RNF216: variants seen among roughly 807,000 people sequenced by gnomAD.
RNF216 encodes E3 ubiquitin-protein ligase RNF216.
RNF216 carries 72 observed loss-of-function variants against 110.8 expected under a neutral mutation model. That is an observed-to-expected ratio of 0.65 (90% CI 0.54 to 0.79). The LOEUF is 0.79. Among genes scored for constraint, RNF216 ranks in the 30% least tolerant of loss-of-function variants. The pLI, the probability that RNF216 is intolerant of heterozygous loss-of-function variation, is 0.00. For synonymous variants in RNF216, 495 were observed against 407.5 expected (o/e 1.21, Z -2.59); for missense variants, 1,342 against 1,141.2 (o/e 1.18, Z -2.54).
chr7:5,694,642 T>C (rs759397328), intron 13 of RNF216, among the ~76,000 whole-genome samples: 3 of 152,220 alleles, frequency 2.0e-5, no homozygotes, highest in Non-Finnish European at 4.4e-5. Flanking sequence ...TGAGGCCCAC[T>C]TGTGGCGCAA....
intron 15 of RNF216, among the ~76,000 whole-genome samples, chr7:5,625,547 T>C (rs978359564): frequency 6.6e-6 from 1 of 152,162 alleles, no homozygotes; most frequent in Non-Finnish European, 1.5e-5. Context: ...CAACGGACAG[T>C]TTGCAGGTTT....
intron 1 of RNF216, among the ~76,000 whole-genome samples, chr7:5,762,062 A>G (rs1399189761): frequency 6.6e-6 from 1 of 152,204 alleles, no homozygotes; most frequent in Admixed American, 6.5e-5. Context: ...TATAGCAAAT[A>G]TGTAATAAAA....
At chr7:5,750,504 AT>A (rs1262994370) in intron 3 of RNF216, among the ~76,000 whole-genome samples, 1 of 152,252 alleles carries the variant, frequency 6.6e-6, no homozygotes, top group Admixed American at 6.5e-5. Context: ...TATGCCTGTT[AT>A]TTAGATTGCA....
intron 15 of RNF216, among the ~76,000 whole-genome samples, chr7:5,631,534 T>C (rs1212638242): frequency 6.6e-6 from 1 of 152,198 alleles, no homozygotes; most frequent in Non-Finnish European, 1.5e-5. Flanking sequence ...AAGCGAATGC[T>C]TCAAGATTTC....
chr7:5,668,836 G>A (rs539273502), intron 13 of RNF216, among the ~76,000 whole-genome samples: 75 of 152,166 alleles, frequency 4.9e-4, no homozygotes, highest in Admixed American at 9.2e-4. Context: ...TTCTAGTCAC[G>A]GTGTATCTTC....
intron 13 of RNF216, among the ~76,000 whole-genome samples, chr7:5,684,841 T>C (rs10232762): frequency 0.16 from 23,038 of 145,572 alleles, 2,841 homozygotes; most frequent in African/African-American, 0.35. Flanking sequence ...TTTAAGGTGA[T>C]GAAAAGAGAG....
intron 4 of RNF216, among the ~76,000 whole-genome samples, chr7:5,740,104 CTTTTTTTTTTTTTTTTTTTTTTTTTTT>C (rs71004698): frequency 6.8e-5 from 8 of 118,492 alleles, no homozygotes; most frequent in Non-Finnish European, 1.2e-4. Flanking sequence ...GATGTAACAC[CTTTTTTTTTTTTTTTTTTTTTTTTTTT>C]TTTTTTTTTT....
chr7:5,679,775 T>C (rs2128604197), intron 13 of RNF216, among the ~76,000 whole-genome samples: 2 of 152,254 alleles, frequency 1.3e-5, no homozygotes, highest in Middle Eastern at 6.8e-3. Context: ...AGTGCCTGCA[T>C]TTCTAACAAC....
At position 5,711,787 on chromosome 7, in the gene RNF216, T is replaced by C. The variant is rs763906664; in HGVS notation, c.2035A>G (p.Ser679Gly). ...ALLDSDVKRF[S>G]CPNPHCRKET... ...TTTCGGCAGTGAGGATTAGGACAGC[T>C]GAACCTCTTCACATCACTGTCCAAC... Residue 679 changes from serine (S) to glycine (G), a missense_variant, in exon 13 of 17, where the codon AGC becomes GGC. Coordinates refer to ENST00000389902, the MANE Select transcript of RNF216 (RefSeq NM_207111.4). 1.2e-6 allele frequency: 2 copies of C among 1,613,826 alleles called. No homozygotes were observed. The highest frequency in any genetic ancestry group is 1.1e-5 in the South Asian group (1 of 90,994).
chr7:5,736,702 C>T (rs1326293770), intron 5 of RNF216, among the ~76,000 whole-genome samples: 1 of 151,446 alleles, frequency 6.6e-6, no homozygotes, highest in Non-Finnish European at 1.5e-5. Flanking sequence ...CACCCATCAT[C>T]TGAGACGTGG....
In RNF216 at chr7:5,777,560, A is replaced by T. The variant is rs565007947; in HGVS notation, c.-70+3981T>A. The T allele has an allele frequency of 3.9e-5, 6 of 152,398 alleles. 1 individual carries two copies. In the South Asian group the frequency reaches 1.2e-3, roughly 32 times the overall value. The allele number at this position is 152,398 out of a possible 1,614,324, so 9.4% of individuals were successfully genotyped here. A position where few individuals can be genotyped will look rare whatever the true frequency, so the allele number is the denominator to read the frequency against. On this transcript the variant is annotated intron_variant, in intron 1 of 16. Coordinates refer to ENST00000389902, the MANE Select transcript of RNF216 (RefSeq NM_207111.4). ...ATGGGATCTGTGTATGTCACTGGCCATCAGGGCAAGAAGAAAGGAATCAAA... is the reference window on the plus strand; with the variant it reads ...ATGGGATCTGTGTATGTCACTGGCCTTCAGGGCAAGAAGAAAGGAATCAAA...
At chr7:5,647,328 CTTTTTTTTTTTT>C (rs10617479) in intron 14 of RNF216, among the ~76,000 whole-genome samples, 19 of 94,814 alleles carry the variant, frequency 2.0e-4, no homozygotes, top group Non-Finnish European at 3.4e-4. Context: ...TTCTTTCTTT[CTTTTTTTTTTTT>C]TTTTTTTTTT....
intron 9 of RNF216, among the ~76,000 whole-genome samples, chr7:5,719,146 T>G (rs1386869870): frequency 1.3e-5 from 2 of 152,158 alleles, no homozygotes; most frequent in African/African-American, 4.8e-5. Flanking sequence ...TTTGGGCGGC[T>G]GAGTTGGGAG....
At chr7:5,778,830 G>A (rs1457910524) in intron 1 of RNF216, among the ~76,000 whole-genome samples, 2 of 152,284 alleles carry the variant, frequency 1.3e-5, no homozygotes, top group South Asian at 4.1e-4. Flanking sequence ...TGCAACCTCC[G>A]CCTCCCGAGT....
At chr7:5,638,234 GAT>G (rs1300381314) in intron 15 of RNF216, among the ~76,000 whole-genome samples, 3 of 152,114 alleles carry the variant, frequency 2.0e-5, no homozygotes, top group African/African-American at 7.2e-5. Context: ...TTAAAGTGTA[GAT>G]ATATATAGAA....
chr7:5,727,432 C>T (rs1478807076), intron 7 of RNF216, among the ~76,000 whole-genome samples: 1 of 152,192 alleles, frequency 6.6e-6, no homozygotes, highest in Non-Finnish European at 1.5e-5. Flanking sequence ...CTTGCACAAA[C>T]TCTTAGCAGC....
chr7:5,649,358 G>A (rs1441147861), intron 14 of RNF216, among the ~76,000 whole-genome samples: 1 of 150,408 alleles, frequency 6.6e-6, no homozygotes, highest in Non-Finnish European at 1.5e-5. Flanking sequence ...TCTAACCTAG[G>A]TGACAGACGG....
rs768474255 is a variant in RNF216 at position 5,741,618 on chromosome 7, T to A, written c.399A>T (p.Glu133Asp). The change falls in exon 4 of 17, where the codon GAA (glutamate) becomes GAT (aspartate). Residue 133 changes from glutamate to aspartate, a missense_variant. Coordinates refer to ENST00000389902, the MANE Select transcript of RNF216 (RefSeq NM_207111.4). ...TTCCAGGAGGCCCAAGATCCAGAAA[T>A]TCACCGTAGTCATCCTCAGAATCAT... ...AQDDSEDDYG[E>D]FLDLGPPGIS... 3 of 1,614,020 alleles carry A rather than the reference T, an allele frequency of 1.9e-6. No individual in the cohort carries two copies. The African/African-American group carries it at 4.0e-5, about 22-fold the overall frequency.
chr7:5,715,110 C>G lies in RNF216; in HGVS notation c.1776G>C (p.Leu592Phe). 1 of 1,613,946 alleles carries G rather than the reference C, an allele frequency of 6.2e-7. No individual in the cohort carries two copies. Among genetic ancestry groups the G allele is most frequent in the Non-Finnish European group, 8.5e-7 (1 of 1,179,990 alleles). The change falls in exon 11 of 17, where the codon TTG (leucine) becomes TTC (phenylalanine). Residue 592 changes from leucine to phenylalanine, a missense_variant. Coordinates refer to ENST00000389902, the MANE Select transcript of RNF216 (RefSeq NM_207111.4). Reference protein sequence around the residue: ...EELTQCADAHLFCKECLIRYA... With the variant: ...EELTQCADAHFFCKECLIRYA... ...ATCTGATGAGACACTCTTTGCAGAA[C>G]AAGTGAGCATCTGCGCACTGCGTCA... is the stretch of plus-strand genomic sequence containing the variant.
Sources: allele counts gnomAD v4.1 joint callset (sites outside exome capture counted in the v4.1 genomes callset), GRCh38; gene constraint gnomAD v4.1.1; transcripts MANE v1.5; gene names NCBI Gene and HGNC (gene_info 2026-07-23, HGNC 2026-07-21).